Variants in GPR19 observed in about 807,000 individuals in gnomAD.
GPR19 encodes the protein probable G protein-coupled receptor 19.
GPR19 carries 14 observed loss-of-function variants against 28.5 expected under a neutral mutation model. The observed-to-expected ratio is 0.49, with a 90% CI of 0.32 to 0.77. The LOEUF is 0.77. Ranked by LOEUF, GPR19 falls within the 30% of genes least tolerant of loss-of-function variation. The pLI is 0.03. For synonymous variants in GPR19, 173 were observed against 184.1 expected (o/e 0.94, Z 0.49); for missense variants, 409 against 504.1 (o/e 0.81, Z 1.81).
intron 3 of GPR19, among the ~76,000 whole-genome samples, chr12:12,670,211 A>T (rs1183697835): frequency 6.6e-6 from 1 of 152,246 alleles, no homozygotes; most frequent in East Asian, 1.9e-4. Flanking sequence ...AATTTCAGAT[A>T]AATAACAAAT....
At chr12:12,716,476 C>T in the GPR19 span, among the ~76,000 whole-genome samples, 1 of 152,172 alleles carries the variant, frequency 6.6e-6, no homozygotes, top group Non-Finnish European at 1.5e-5. Context: ...AGTTCCCACA[C>T]GCAGCCAATG....
upstream of GPR19, among the ~76,000 whole-genome samples, chr12:12,700,005 G>A (rs1250775342): frequency 3.4e-5 from 5 of 147,526 alleles, no homozygotes; most frequent in African/African-American, 1.3e-4. Context: ...TAAAGATGGG[G>A]TCTCCTCATG....
chr12:12,665,912 C>A (rs530378182), intron 3 of GPR19, among the ~76,000 whole-genome samples: 9 of 149,620 alleles, frequency 6.0e-5, no homozygotes, highest in African/African-American at 1.5e-4. Flanking sequence ...TTATAATTCA[C>A]TGCTAAGAAC....
At chr12:12,698,624 T>TC (rs1315303834), upstream of GPR19, among the ~76,000 whole-genome samples, 2 of 151,680 alleles carry the variant, frequency 1.3e-5, no homozygotes, top group African/African-American at 4.8e-5. Flanking sequence ...AGCATTTTTT[T>TC]TTTCTCAAGA....
the GPR19 span, among the ~76,000 whole-genome samples, chr12:12,708,529 T>C: frequency 7.9e-5 from 12 of 152,190 alleles, no homozygotes; most frequent in Admixed American, 1.3e-4. Context: ...AGTGATATAA[T>C]TGCAAACCTA....
the GPR19 span, among the ~76,000 whole-genome samples, chr12:12,712,781 C>T: frequency 2.0e-5 from 3 of 152,248 alleles, no homozygotes; most frequent in Middle Eastern, 3.4e-3. Context: ...GATCCTCCCA[C>T]CTCTGCTTTC....
At chr12:12,666,599 T>C (rs946644584) in intron 3 of GPR19, among the ~76,000 whole-genome samples, 8 of 152,226 alleles carry the variant, frequency 5.3e-5, no homozygotes, top group African/African-American at 1.9e-4. Flanking sequence ...GTTTCTGTCT[T>C]CTCCAATAAA....
chr12:12,665,561 G>A (rs914765421), intron 3 of GPR19, among the ~76,000 whole-genome samples: 7 of 152,106 alleles, frequency 4.6e-5, no homozygotes, highest in African/African-American at 1.7e-4. Flanking sequence ...AAGATCGGCC[G>A]AGCGCGGTGG....
intron 3 of GPR19, among the ~76,000 whole-genome samples, chr12:12,677,734 G>A (rs181063517): frequency 1.3e-3 from 204 of 152,024 alleles, no homozygotes; most frequent in African/African-American, 4.7e-3. Context: ...ATTTCTCAGT[G>A]CTTCTTAATT....
chr12:12,672,265 G>C (rs1415194457), intron 3 of GPR19, among the ~76,000 whole-genome samples: 1 of 152,050 alleles, frequency 6.6e-6, no homozygotes, highest in Non-Finnish European at 1.5e-5. Flanking sequence ...TCTCTTTGGG[G>C]GTGACCACCC....
chr12:12,680,199 T>C (rs2136328930), intron 3 of GPR19, among the ~76,000 whole-genome samples: 1 of 152,344 alleles, frequency 6.6e-6, no homozygotes, highest in East Asian at 1.9e-4. Context: ...AAAAGAACTT[T>C]ATTTGTGATA....
chr12:12,700,155 CTT>C (rs1281797373), upstream of GPR19, among the ~76,000 whole-genome samples: 1 of 26,334 alleles, frequency 3.8e-5, no homozygotes, highest in African/African-American at 6.0e-5. Context: ...TTTTCTCTCT[CTT>C]TCTTTCTCTC....
intron 2 of GPR19, among the ~76,000 whole-genome samples, chr12:12,691,184 A>G (rs1946175610): frequency 6.6e-6 from 1 of 152,154 alleles, no homozygotes; most frequent in Non-Finnish European, 1.5e-5. Flanking sequence ...AAAATAAAAA[A>G]TAAAAAAATA....
intron 3 of GPR19, among the ~76,000 whole-genome samples, chr12:12,674,516 T>C (rs150754462): frequency 6.6e-6 from 1 of 152,126 alleles, no homozygotes; most frequent in Non-Finnish European, 1.5e-5. Flanking sequence ...AGTTTATATG[T>C]GATGGGGTTA....
the GPR19 span, chr12:12,715,808 G>A: frequency 6.6e-6 from 1 of 152,192 alleles, no homozygotes; most frequent in South Asian, 2.1e-4. Flanking sequence ...TTCCTCCGTG[G>A]TAAAAAGGAG....
intron 3 of GPR19, among the ~76,000 whole-genome samples, chr12:12,683,811 C>T (rs1946056220): frequency 6.6e-6 from 1 of 152,262 alleles, no homozygotes; most frequent in African/African-American, 2.4e-5. Context: ...AGCATTTCTA[C>T]AAGATGTGAA....
chr12:12,704,544 A>T, the GPR19 span, among the ~76,000 whole-genome samples: 2 of 152,214 alleles, frequency 1.3e-5, no homozygotes, highest in African/African-American at 4.8e-5. Flanking sequence ...ATAATTGTTA[A>T]ATTCAGATTA....
chr12:12,661,326 A>T lies in GPR19; in HGVS notation c.1123T>A (p.Ser375Thr). The T allele has an allele frequency of 6.2e-7, 1 of 1,614,080 alleles. No homozygotes were observed. Residue 375 changes from serine to threonine, a missense_variant, in exon 4 of 4, where the codon TCA becomes ACA. Ser to Thr is a moderately conservative substitution (Grantham distance 58). Transcript: ENST00000651487. This position sits in a 1 kb window ranked among gnomAD's most constrained non-coding sequence, Gnocchi z 4.2. The part of the protein sequence containing the change: ...RMAKKNYVGI[S>T]EIPSMAKTIT... ...GTTTTGGCCATGGAAGGGATTTCTG[A>T]AATGCCAACGTAGTTTTTTTTGGCC...
the GPR19 span, among the ~76,000 whole-genome samples, chr12:12,709,342 T>G: frequency 6.6e-6 from 1 of 152,200 alleles, no homozygotes; most frequent in Non-Finnish European, 1.5e-5. Context: ...CCTAAAACTA[T>G]GTGGTCTCTC....
Sources: allele counts gnomAD v4.1 joint callset (sites outside exome capture counted in the v4.1 genomes callset), GRCh38; gene constraint gnomAD v4.1.1; non-coding constraint Gnocchi (gnomAD v3.1); transcripts MANE v1.5; gene names NCBI Gene and HGNC (gene_info 2026-07-23, HGNC 2026-07-21).